The following AHCY variants were observed in gnomAD, a reference collection of about 807,000 sequenced individuals.
The protein encoded by AHCY is S-adenosyl-L-homocysteine hydrolase.
Under a neutral mutation model 45.4 loss-of-function variants are expected in AHCY, and 24 were observed. The ratio of observed to expected loss-of-function variants is 0.53; its 90% CI spans 0.38 to 0.74. The LOEUF is 0.74. Ranked by LOEUF, AHCY falls within the 30% of genes least tolerant of loss-of-function variation. The probability of loss-of-function intolerance (pLI) is 0.00; values close to 1 mark genes in which losing one functional copy is unlikely to be tolerated. For synonymous variants in AHCY, 245 were observed against 235.1 expected (o/e 1.04, Z -0.39); for missense variants, 449 against 594.1 (o/e 0.76, Z 2.54).
intron 5 of AHCY, 91 bp from the exon 6 acceptor site, chr20:34,291,029 C>A (rs2036369437): frequency 1.6e-6 from 2 of 1,266,934 alleles, no homozygotes. Flanking sequence ...AGAGCCCAGG[C>A]ATCATGGGCC....
chr20:34,302,700 T>C, intron 1 of AHCY: 1 of 987,354 alleles, frequency 1.0e-6, no homozygotes. Flanking sequence ...GCTGGAGGGG[T>C]GGGGGACCCC....
chr20:34,302,701 G>C (rs1170579174), intron 1 of AHCY: 1 of 987,630 alleles, frequency 1.0e-6, no homozygotes, highest in African/African-American at 1.7e-5. Flanking sequence ...CTGGAGGGGT[G>C]GGGGACCCCA....
At chr20:34,235,985 AAAG>A in the AHCY span, among the ~76,000 whole-genome samples, 1 of 134,776 alleles carries the variant, frequency 7.4e-6, no homozygotes, top group Non-Finnish European at 1.6e-5. Context: ...GGGAAGAAGG[AAAG>A]AAGGAAGGAA....
downstream of AHCY, among the ~76,000 whole-genome samples, chr20:34,278,904 T>G (rs1439476078): frequency 6.9e-5 from 10 of 144,372 alleles, no homozygotes; most frequent in African/African-American, 2.6e-4. Context: ...AGGTTAGGAG[T>G]TCAAGACCAG....
chr20:34,308,266 T>A (rs1035603808), upstream of AHCY, among the ~76,000 whole-genome samples: 3 of 152,188 alleles, frequency 2.0e-5, no homozygotes, highest in Admixed American at 2.0e-4. Context: ...TTTTAAAAGA[T>A]TTGGCCAGGT....
upstream of AHCY, among the ~76,000 whole-genome samples, chr20:34,304,144 A>C (rs1212651840): frequency 6.6e-6 from 1 of 152,244 alleles, no homozygotes; most frequent in Non-Finnish European, 1.5e-5. Context: ...TATATCATTA[A>C]ATAGTTCTGT....
At chr20:34,309,434 G>T (rs1386287209) in intron 1 of AHCY, among the ~76,000 whole-genome samples, 1 of 152,108 alleles carries the variant, frequency 6.6e-6, no homozygotes, top group Non-Finnish European at 1.5e-5. Flanking sequence ...TTGTGAGTTG[G>T]AAGGATCGCT....
At chr20:34,236,887 G>A in the AHCY span, among the ~76,000 whole-genome samples, 1 of 151,942 alleles carries the variant, frequency 6.6e-6, no homozygotes, top group Non-Finnish European at 1.5e-5. Flanking sequence ...TTTGTATATG[G>A]TGTTAGGTAA....
chr20:34,303,398 T>G, upstream of AHCY: 1 of 1,335,388 alleles, frequency 7.5e-7, no homozygotes, highest in Non-Finnish European at 1.1e-6. Flanking sequence ...TTCCTCGCAC[T>G]TGCATATTCA....
chr20:34,281,135 C>T lies in AHCY; in HGVS notation c.1198G>A (p.Gly400Ser). The T allele has an allele frequency of 6.2e-7, 1 of 1,613,726 alleles. No homozygotes were observed. The highest frequency in any genetic ancestry group is 8.5e-7 in the Non-Finnish European group (1 of 1,180,026). Reference protein sequence around the residue: ...LDEAVAEAHLGKLNVKLTKLT... With the variant: ...LDEAVAEAHLSKLNVKLTKLT... Reference sequence around the variant, plus strand: ...TTGGTCAACTTCACATTCAGCTTGCCCAGGTGGGCTTCAGCCACTGCCTCA... The same window carrying T: ...TTGGTCAACTTCACATTCAGCTTGCTCAGGTGGGCTTCAGCCACTGCCTCA... The change falls in exon 10 of 10, where the codon GGC becomes AGC. Residue 400 changes from glycine to serine, a missense_variant. Physicochemically the swap from Gly to Ser is moderately conservative, Grantham distance 56. Coordinates refer to ENST00000217426, the MANE Select transcript of AHCY (RefSeq NM_000687.4).
chr20:34,289,337 C>T (rs2036291955), intron 8 of AHCY, among the ~76,000 whole-genome samples: 1 of 152,078 alleles, frequency 6.6e-6, no homozygotes, highest in African/African-American at 2.4e-5. Context: ...CCACACCCGG[C>T]TAACTTCTTG....
chr20:34,247,379 C>T, the AHCY span, among the ~76,000 whole-genome samples: 1 of 150,262 alleles, frequency 6.7e-6, no homozygotes, highest in Non-Finnish European at 1.5e-5. Context: ...CGGCTCACTG[C>T]AACCTCCGCC....
At chr20:34,253,140 C>T in the AHCY span, among the ~76,000 whole-genome samples, 1 of 151,302 alleles carries the variant, frequency 6.6e-6, no homozygotes, top group Non-Finnish European at 1.5e-5. Context: ...CGAAGTCTCG[C>T]TCTGTTGCCC....
the AHCY span, among the ~76,000 whole-genome samples, chr20:34,274,289 A>ATAAGAGAACTGGGGCTCAAAGATGT: frequency 1.3e-5 from 2 of 152,176 alleles, no homozygotes; most frequent in Non-Finnish European, 2.9e-5. Flanking sequence ...ATCACTGTAA[A>ATAAGAGAACTGGGGCTCAAAGATGT]TAAGAGAACT....
the AHCY span, chr20:34,269,025 G>A: frequency 6.2e-7 from 1 of 1,608,104 alleles, no homozygotes; most frequent in Middle Eastern, 1.7e-4. Context: ...GTGCGGCCCC[G>A]GACCCCCCTA....
chr20:34,249,388 T>C, the AHCY span, among the ~76,000 whole-genome samples: 4 of 151,890 alleles, frequency 2.6e-5, no homozygotes, highest in African/African-American at 4.8e-5. Context: ...GTGATGTCTA[T>C]AAGCAGTCTC....
chr20:34,293,638 TC>T (rs1206597033), intron 3 of AHCY: 4 of 336,082 alleles, frequency 1.2e-5, no homozygotes, highest in Non-Finnish European at 2.3e-5. Flanking sequence ...ACCACTCCCC[TC>T]CCCAAGTCCA....
chr20:34,243,919 A>G, the AHCY span, among the ~76,000 whole-genome samples: 4 of 151,946 alleles, frequency 2.6e-5, no homozygotes, highest in Non-Finnish European at 4.4e-5. Flanking sequence ...AAAAAAATTA[A>G]CCGGGCGTGG....
chr20:34,243,684 T>A, the AHCY span, among the ~76,000 whole-genome samples: 5 of 151,686 alleles, frequency 3.3e-5, no homozygotes, highest in African/African-American at 1.2e-4. Flanking sequence ...TTTAGTAGAA[T>A]TCACAGTTAA....
Sources: gnomAD v4.1 joint callset for allele counts (sites outside exome capture counted in the v4.1 genomes callset) on GRCh38, gnomAD v4.1.1 for gene constraint, MANE v1.5 for transcripts, NCBI Gene and HGNC (gene_info 2026-07-23, HGNC 2026-07-21) for gene names.